MYH10: variants seen among roughly 807,000 people sequenced by gnomAD.
MYH10 encodes myosin-10.
In MYH10, 55 loss-of-function variants were observed where a neutral mutation model predicts 257.8. That is an observed-to-expected ratio of 0.21 (90% CI 0.17 to 0.27). The LOEUF is 0.27. Among genes scored for constraint, MYH10 ranks in the 10% least tolerant of loss-of-function variants. The probability of loss-of-function intolerance (pLI) is 1.00; values close to 1 mark genes in which losing one functional copy is unlikely to be tolerated. For synonymous variants in MYH10, 854 were observed against 921.7 expected (o/e 0.93, Z 1.33); for missense variants, 1,631 against 2,500.6 (o/e 0.65, Z 7.42).
intron 28 of MYH10, among the ~76,000 whole-genome samples, chr17:8,501,573 G>A (rs574253718): frequency 1.4e-4 from 21 of 152,312 alleles, no homozygotes; most frequent in Admixed American, 1.0e-3. Context: ...GACTCTTAGC[G>A]TCCATGTGAA....
At chr17:8,609,538 A>T in intron 2 of MYH10, among the ~76,000 whole-genome samples, 1 of 152,234 alleles carries the variant, frequency 6.6e-6, no homozygotes, top group African/African-American at 2.4e-5. Flanking sequence ...AGACAGATTT[A>T]TATCTGTAAC....
At chr17:8,557,357 G>A (rs558928310) in intron 7 of MYH10, among the ~76,000 whole-genome samples, 40 of 152,180 alleles carry the variant, frequency 2.6e-4, no homozygotes, top group African/African-American at 7.5e-4. Flanking sequence ...AATGTGTGTG[G>A]GGAGTGTGGG....
Position 8,621,806 on chromosome 17 carries a change from C to A in MYH10, c.345+1096G>T, listed in dbSNP as rs548748864. Among the ~76,000 whole-genome samples, 31 of 152,294 alleles carry A rather than the reference C, an allele frequency of 2.0e-4. No individual in the cohort carries two copies. In the East Asian group the frequency reaches 5.6e-3, roughly 27 times the overall value. ...CTAGCTGCCTCCCACCAGTCAGACTCCAGCTCAAATGCTACCTTCACAAAC... is the reference window on the plus strand; with the variant it reads ...CTAGCTGCCTCCCACCAGTCAGACTACAGCTCAAATGCTACCTTCACAAAC... On this transcript the variant is annotated intron_variant, in intron 2 of 42. Transcript: ENST00000360416.
intron 40 of MYH10, among the ~76,000 whole-genome samples, chr17:8,478,800 T>A (rs1913156115): frequency 1.3e-5 from 2 of 152,194 alleles, no homozygotes; most frequent in South Asian, 4.1e-4. Flanking sequence ...GCGCCATCTC[T>A]GCTCGCTGCA....
At chr17:8,621,702 G>A (rs1421008479) in intron 2 of MYH10, among the ~76,000 whole-genome samples, 1 of 152,130 alleles carries the variant, frequency 6.6e-6, no homozygotes, top group East Asian at 1.9e-4. Flanking sequence ...AAGAAAATAA[G>A]GGAGATCTAT....
At chr17:8,615,866 A>G (rs2085241649) in intron 2 of MYH10, among the ~76,000 whole-genome samples, 2 of 152,268 alleles carry the variant, frequency 1.3e-5, no homozygotes, top group Admixed American at 1.3e-4. Flanking sequence ...ATTCTTAATG[A>G]TGAAATGTTG....
Position 8,521,074 on chromosome 17 carries a change from G to A in MYH10, c.2151+18C>T, listed in dbSNP as rs1429039679. On this transcript the variant is annotated intron_variant, in intron 18 of 42. Transcript: ENST00000360416. ...AGATCAGTTTTAAATACTAGCATAT[G>A]TTTTGCTCAGCACGTACCCTCTTCT... 2 of 1,613,856 alleles carry A rather than the reference G, an allele frequency of 1.2e-6. No homozygotes were observed. The highest frequency in any genetic ancestry group is 2.7e-5 in the African/African-American group (2 of 74,924).
At chr17:8,543,680 G>A (rs994556732) in intron 13 of MYH10, among the ~76,000 whole-genome samples, 3 of 152,164 alleles carry the variant, frequency 2.0e-5, no homozygotes, top group African/African-American at 4.8e-5. Context: ...CACCATCTTG[G>A]ACAGGCTGGT....
chr17:8,489,554 A>G (rs1368768739), intron 35 of MYH10, among the ~76,000 whole-genome samples: 1 of 152,106 alleles, frequency 6.6e-6, no homozygotes, highest in Non-Finnish European at 1.5e-5. Flanking sequence ...AAATACAAAA[A>G]TTAGCTGGGC....
chr17:8,522,998 T>C (rs573051526), intron 17 of MYH10, among the ~76,000 whole-genome samples: 3 of 152,368 alleles, frequency 2.0e-5, no homozygotes, highest in African/African-American at 7.2e-5. Context: ...TGATTTCTCT[T>C]CTGCTTTTCC....
chr17:8,585,659 T>C (rs2083891786), intron 4 of MYH10, among the ~76,000 whole-genome samples: 1 of 152,052 alleles, frequency 6.6e-6, no homozygotes, highest in South Asian at 2.1e-4. Context: ...ATCTAAAAAA[T>C]TTTAAACTAT....
intron 2 of MYH10, among the ~76,000 whole-genome samples, chr17:8,611,075 A>G (rs955771059): frequency 6.6e-6 from 1 of 152,228 alleles, no homozygotes; most frequent in Non-Finnish European, 1.5e-5. Flanking sequence ...CAGCAGCACA[A>G]AAGTCTAAGA....
intron 11 of MYH10, 120 bp downstream of exon 11, chr17:8,548,193 T>C: frequency 1.5e-6 from 1 of 650,442 alleles, no homozygotes; most frequent in Non-Finnish European, 2.6e-6. Flanking sequence ...ATGTTGTCAC[T>C]CTACTCAAGG....
Position 8,610,336 on chromosome 17 carries a change from C to T in MYH10, c.346-5354G>A, listed in dbSNP as rs2084985566. 4.2e-5 allele frequency among the ~76,000 whole-genome samples: 6 copies of T among 143,566 alleles called. No homozygotes were observed. The South Asian group carries it at 1.3e-3, about 32-fold the overall frequency. 94.2% of individuals were successfully genotyped at this position (143,566 alleles called of 152,430 possible). A position where few individuals can be genotyped will look rare whatever the true frequency, so the allele number is the denominator to read the frequency against. Reference sequence around the variant, plus strand: ...GGGCATGGTAGCTCATGCTTGTAACCCCAGCACTTTGGGAAGCCACGGTGG... The same window carrying T: ...GGGCATGGTAGCTCATGCTTGTAACTCCAGCACTTTGGGAAGCCACGGTGG... On this transcript the variant is annotated intron_variant, in intron 2 of 42. Coordinates refer to ENST00000360416, the MANE Select transcript of MYH10 (RefSeq NM_001256012.3).
chr17:8,484,400 T>C, intron 36 of MYH10, 134 bp from the exon 37 acceptor site: 1 of 766,728 alleles, frequency 1.3e-6, no homozygotes, highest in Non-Finnish European at 2.0e-6. Context: ...TTGCTCCTGA[T>C]TACAAGTGTG....
In MYH10 at chr17:8,495,149, T is replaced by A; in HGVS notation, c.4044A>T (p.Leu1348=). The A allele has an allele frequency of 6.2e-7, 1 of 1,600,348 alleles. No homozygotes were observed. The highest frequency in any genetic ancestry group is 8.6e-7 in the Non-Finnish European group (1 of 1,167,324). ...AKDAASLESQ[L]QDTQELLQEE... is the part of the protein sequence containing the mutation. ...CCCCAGGGAATACCTGTGTATCCTG[T>A]AGTTGAGACTCAAGACTAGCTGCAT... The change falls in exon 31 of 43, where the codon CTA becomes CTT. Residue 1348 remains leucine (L), a synonymous_variant. Transcript: ENST00000360416.
chr17:8,542,696 G>A (rs2082322690), intron 13 of MYH10, among the ~76,000 whole-genome samples: 3 of 152,350 alleles, frequency 2.0e-5, no homozygotes, highest in Admixed American at 6.5e-5. Flanking sequence ...GGCGAACAAG[G>A]TGGTGGGCGC....
intron 1 of MYH10, among the ~76,000 whole-genome samples, chr17:8,629,992 C>T (rs545052252): frequency 4.1e-4 from 62 of 152,128 alleles, no homozygotes; most frequent in African/African-American, 1.4e-3. Context: ...GCCCTCCTGT[C>T]CCTCCACCCA....
intron 2 of MYH10, among the ~76,000 whole-genome samples, chr17:8,605,746 A>C (rs1483425866): frequency 6.7e-6 from 1 of 149,130 alleles, no homozygotes; most frequent in Admixed American, 6.7e-5. Flanking sequence ...CTCCATCACA[A>C]ACAAACAAAC....
Sources: gnomAD v4.1 joint callset for allele counts (sites outside exome capture counted in the v4.1 genomes callset) on GRCh38, gnomAD v4.1.1 for gene constraint, MANE v1.5 for transcripts, NCBI Gene and HGNC (gene_info 2026-07-23, HGNC 2026-07-21) for gene names.